Variants in UBAP2 observed in about 807,000 individuals in gnomAD.
UBAP2 encodes ubiquitin associated protein 2.
Under a neutral mutation model 139.6 loss-of-function variants are expected in UBAP2, and 75 were observed. The observed-to-expected ratio is 0.54, with a 90% CI of 0.45 to 0.65. UBAP2 has a LOEUF of 0.65. Among genes scored for constraint, UBAP2 ranks in the 30% least tolerant of loss-of-function variants. UBAP2 has a pLI of 0.00. For missense variants in UBAP2, 1,368 were observed against 1,369.6 expected (o/e 1.00, Z 0.02); for synonymous variants, 526 against 526.2 (o/e 1.00, Z 0.01).
intron 10 of UBAP2, among the ~76,000 whole-genome samples, chr9:33,958,070 T>C (rs1587563008): frequency 6.6e-6 from 1 of 152,044 alleles, no homozygotes. Flanking sequence ...CAAGCATTCC[T>C]CCCACCTCTA....
Position 33,930,839 on chromosome 9 carries a change from T to C in UBAP2, c.2175+1723A>G, listed in dbSNP as rs547908941. 4.4e-5 allele frequency among the ~76,000 whole-genome samples: 6 copies of C among 135,096 alleles called. No homozygotes were observed. In the East Asian group the frequency reaches 1.3e-3, roughly 29 times the overall value. 88.6% of individuals were successfully genotyped at this position (135,096 alleles called of 152,430 possible). ...TGAACCCGGGAAGTGGAGGTTGCAG[T>C]GAGCTGAGATTGCGCCATTGCACTC... On this transcript the variant is annotated intron_variant, in intron 19 of 28. Transcript: ENST00000379238.
intron 2 of UBAP2, among the ~76,000 whole-genome samples, chr9:34,003,501 G>C (rs893314665): frequency 1.3e-5 from 2 of 151,428 alleles, no homozygotes; most frequent in African/African-American, 4.9e-5. Flanking sequence ...CGCTTCCCAG[G>C]TTCAAGCGAT....
intron 16 of UBAP2, among the ~76,000 whole-genome samples, chr9:33,936,877 G>A (rs958795887): frequency 7.8e-6 from 1 of 127,564 alleles, no homozygotes; most frequent in Non-Finnish European, 1.6e-5. Context: ...AGAACTGCTT[G>A]CGCCCAGGAG....
chr9:33,968,351 T>C (rs1254939743), intron 8 of UBAP2: 2 of 580,334 alleles, frequency 3.4e-6, no homozygotes, highest in Admixed American at 1.9e-5. Context: ...GCCAACACTT[T>C]GAGGTTCAAC....
At chr9:34,023,904 C>G (rs1825175084) in intron 1 of UBAP2, among the ~76,000 whole-genome samples, 2 of 152,104 alleles carry the variant, frequency 1.3e-5, no homozygotes, top group African/African-American at 4.8e-5. Flanking sequence ...ATTAGCCGGG[C>G]ATGGTGGCAC....
chr9:34,044,162 C>T (rs1288352698), intron 1 of UBAP2, among the ~76,000 whole-genome samples: 5 of 151,412 alleles, frequency 3.3e-5, no homozygotes, highest in Non-Finnish European at 7.4e-5. Flanking sequence ...CTTTGGGAGG[C>T]CGAGGCGGGC....
intron 4 of UBAP2, among the ~76,000 whole-genome samples, chr9:33,993,488 C>G (rs1019175432): frequency 6.6e-6 from 1 of 152,178 alleles, no homozygotes; most frequent in Admixed American, 6.5e-5. Context: ...CATAGAAACA[C>G]AGAGACCCCC....
chr9:33,992,248 C>T lies in UBAP2; in HGVS notation c.289-3122G>A, dbSNP rs547176867. Among the ~76,000 whole-genome samples the T allele has an allele frequency of 9.9e-5, 15 of 152,016 alleles. No individual in the cohort carries two copies. The South Asian group carries it at 1.0e-3, about 11-fold the overall frequency. On this transcript the variant is annotated intron_variant, in intron 4 of 28. Transcript: ENST00000379238. Reference sequence around the variant, plus strand: ...TACTAAAAATACAAAATTAGCCGGGCGTGGTGGCGCATTCCTGTAATCCCA... The same window carrying T: ...TACTAAAAATACAAAATTAGCCGGGTGTGGTGGCGCATTCCTGTAATCCCA...
chr9:33,952,744 A>G (rs1826206366), intron 12 of UBAP2: 1 of 154,660 alleles, frequency 6.5e-6, no homozygotes, highest in African/African-American at 2.4e-5. Context: ...AGAATTTGAC[A>G]AACCATAAAA....
intron 1 of UBAP2, among the ~76,000 whole-genome samples, chr9:34,041,661 TG>T (rs1843136976): frequency 6.6e-6 from 1 of 152,060 alleles, no homozygotes; most frequent in South Asian, 2.1e-4. Context: ...GCCGAGATCG[TG>T]CCACTGGCAT....
chr9:33,923,565 G>C, intron 24 of UBAP2, 87 bp from the exon 25 acceptor site: 1 of 1,332,560 alleles, frequency 7.5e-7, no homozygotes, highest in South Asian at 1.2e-5. Context: ...AAGGCAGCAG[G>C]TGACATACCC....
intron 5 of UBAP2, among the ~76,000 whole-genome samples, 200 bp from the exon 6 acceptor site, chr9:33,987,037 C>A (rs566608689): frequency 6.6e-6 from 1 of 152,146 alleles, no homozygotes; most frequent in East Asian, 1.9e-4. Flanking sequence ...CTTGTAATTC[C>A]AGCACTTGTA....
chr9:33,955,804 G>C (rs182800634), intron 11 of UBAP2, among the ~76,000 whole-genome samples: 3 of 150,146 alleles, frequency 2.0e-5, no homozygotes, highest in African/African-American at 7.4e-5. Context: ...TCTAGCCTGG[G>C]CAACAAGAGC....
intron 14 of UBAP2, 139 bp downstream of exon 14, chr9:33,944,226 C>T: frequency 8.7e-7 from 1 of 1,152,832 alleles, no homozygotes; most frequent in Non-Finnish European, 1.2e-6. Flanking sequence ...TCAGAAATGG[C>T]CATATCCTTA....
At chr9:34,010,050 A>G in intron 2 of UBAP2, among the ~76,000 whole-genome samples, 1 of 142,880 alleles carries the variant, frequency 7.0e-6, no homozygotes, top group Non-Finnish European at 1.5e-5. Context: ...CAGGTGATCT[A>G]CCTGCCTTGG....
Position 33,922,985 on chromosome 9 carries a change from G to A in UBAP2, c.3053C>T (p.Ser1018Phe). ...CCTCACCTGTGTCTTATTGTAGACA[G>A]AACCAGTCATATCAGGTAGACCAGT... ...STTGLPDMTG[S>F]VYNKTQTFDK... The change falls in exon 27 of 29, where the codon TCT (serine) becomes TTT (phenylalanine). Residue 1018 changes from serine to phenylalanine, a missense_variant. Physicochemically the swap from Ser to Phe is radical, Grantham distance 155. Coordinates refer to ENST00000379238, the MANE Select transcript of UBAP2 (RefSeq NM_001370062.2). 1.9e-6 allele frequency: 3 copies of A among 1,614,188 alleles called. No individual in the cohort carries two copies. Among genetic ancestry groups the A allele is most frequent in the Non-Finnish European group, 2.5e-6 (3 of 1,180,030 alleles).
chr9:34,041,140 T>G (rs558313219), intron 1 of UBAP2, among the ~76,000 whole-genome samples: 1 of 152,128 alleles, frequency 6.6e-6, no homozygotes, highest in East Asian at 1.9e-4. Flanking sequence ...ATCCTTACAA[T>G]GTAACCTCAT....
At chr9:33,958,503 G>A (rs1826755517) in intron 10 of UBAP2, among the ~76,000 whole-genome samples, 2 of 151,576 alleles carry the variant, frequency 1.3e-5, no homozygotes, top group South Asian at 4.2e-4. Flanking sequence ...TGCCTCCCGG[G>A]TTCAAGTGAT....
chr9:33,939,189 C>CTTTTTTTTTTT (rs72150705), intron 16 of UBAP2, among the ~76,000 whole-genome samples: 6 of 78,592 alleles, frequency 7.6e-5, no homozygotes, highest in Admixed American at 1.7e-4. Flanking sequence ...TTTCCTATGT[C>CTTTTTTTTTTT]TTTTTTTTTT....
Sources: gnomAD v4.1 joint callset for allele counts (sites outside exome capture counted in the v4.1 genomes callset) on GRCh38, gnomAD v4.1.1 for gene constraint, MANE v1.5 for transcripts, NCBI Gene and HGNC (gene_info 2026-07-23, HGNC 2026-07-21) for gene names.